Variants in PLS1 observed in about 807,000 individuals in gnomAD.
The protein encoded by PLS1 is plastin-1.
In PLS1, 32 loss-of-function variants were observed where a neutral mutation model predicts 73.7. The observed-to-expected ratio is 0.43, with a 90% confidence interval of 0.33 to 0.58. The LOEUF is 0.58. PLS1 is among the 20% of genes least tolerant of loss of function. PLS1 has a pLI of 0.04. For synonymous variants in PLS1, 217 were observed against 261.3 expected, an observed-to-expected ratio of 0.83 and a Z score of 1.63; for missense variants, 633 against 740.5, an observed-to-expected ratio of 0.85 and a Z score of 1.68.
intron 14 of PLS1, among the ~76,000 whole-genome samples, chr3:142,709,555 G>A (rs780990652): frequency 6.6e-6 from 1 of 152,168 alleles, no homozygotes; most frequent in Non-Finnish European, 1.5e-5. Context: ...AGTGGCTCAG[G>A]CCTGTAATCC....
intron 6 of PLS1, among the ~76,000 whole-genome samples, chr3:142,682,864 C>G (rs548516933): frequency 1.3e-5 from 2 of 152,250 alleles, no homozygotes; most frequent in East Asian, 3.9e-4. Context: ...TTAATTTTTT[C>G]ATGTTTATGT....
At chr3:142,600,914 A>T (rs1215100712) in intron 1 of PLS1, among the ~76,000 whole-genome samples, 1,405 of 18,896 alleles carry the variant, frequency 0.074, 143 homozygotes, top group African/African-American at 0.26. Context: ...ATATATATAT[A>T]TATTTTTTTT....
At chr3:142,683,287 G>A (rs561082723) in intron 6 of PLS1, among the ~76,000 whole-genome samples, 2 of 152,268 alleles carry the variant, frequency 1.3e-5, no homozygotes, top group South Asian at 2.1e-4. Flanking sequence ...GGCAGATTAC[G>A]AGGTCAGGAG....
chr3:142,677,169 GA>G (rs1444654253), intron 5 of PLS1, among the ~76,000 whole-genome samples: 1 of 152,088 alleles, frequency 6.6e-6, no homozygotes, highest in Non-Finnish European at 1.5e-5. Context: ...TAATTTCTCT[GA>G]AAATGTCTAA....
chr3:142,602,106 G>GT (rs2035937782), intron 1 of PLS1, among the ~76,000 whole-genome samples: 2 of 95,088 alleles, frequency 2.1e-5, no homozygotes, highest in South Asian at 2.7e-4. Flanking sequence ...AAATCGTTCC[G>GT]GTTTTTTTTT....
Position 142,697,956 on chromosome 3 carries a change from C to T in PLS1, c.1260C>T (p.Asp420=). The T allele has an allele frequency of 6.3e-7, 1 of 1,598,282 alleles. No individual in the cohort carries two copies. Among genetic ancestry groups the T allele is most frequent in the Non-Finnish European group, 8.6e-7 (1 of 1,166,076 alleles). Residue 420 remains aspartate, a synonymous_variant, in exon 12 of 16, where the codon GAC becomes GAT. Transcript: ENST00000457734. ...CTGCTTTTCCTTCCTGCTTCAGTGACCTTGCAGATGCTTTAGTGATCTTTC... is the reference window on the plus strand; with the variant it reads ...CTGCTTTTCCTTCCTGCTTCAGTGATCTTGCAGATGCTTTAGTGATCTTTC... ...VNPYINHLYS[D]LADALVIFQL... is the part of the protein sequence containing the mutation.
At chr3:142,676,438 A>G in intron 5 of PLS1, 149 bp downstream of exon 5, 1 of 718,262 alleles carries the variant, frequency 1.4e-6, no homozygotes, top group Non-Finnish European at 2.2e-6. Flanking sequence ...AAAATGAACT[A>G]CTGTATATCT....
At chr3:142,615,352 A>G (rs1665337716) in intron 1 of PLS1, among the ~76,000 whole-genome samples, 1 of 152,100 alleles carries the variant, frequency 6.6e-6, no homozygotes, top group Non-Finnish European at 1.5e-5. Context: ...CTTCAGCATT[A>G]TGGCTGAGAC....
intron 8 of PLS1, among the ~76,000 whole-genome samples, chr3:142,685,510 A>T (rs1488727501): frequency 6.6e-6 from 1 of 152,172 alleles, no homozygotes; most frequent in African/African-American, 2.4e-5. Flanking sequence ...TTCAGCTGTC[A>T]GTTGGGCTCA....
chr3:142,713,417 A>G lies in PLS1; in HGVS notation c.*1410A>G, dbSNP rs932681839. ...AGAATAGAATTTTTTAAATGAAATG[A>G]TCAACAGGTGGAATTTGAAATATAT... is the stretch of plus-strand genomic sequence containing the variant. On this transcript the variant is annotated 3_prime_UTR_variant, in exon 16 of 16. Coordinates refer to ENST00000457734, the MANE Select transcript of PLS1 (RefSeq NM_001145319.2). 1 of 152,608 alleles carries G rather than the reference A, an allele frequency of 6.6e-6. No homozygotes were observed. The highest frequency in any genetic ancestry group is 2.4e-5 in the African/African-American group (1 of 41,450). 9.5% of individuals were successfully genotyped at this position (152,608 alleles called of 1,614,324 possible).
chr3:142,674,833 A>G (rs371837546), intron 4 of PLS1, among the ~76,000 whole-genome samples: 1 of 152,024 alleles, frequency 6.6e-6, no homozygotes, highest in East Asian at 1.9e-4. Flanking sequence ...GATTCAAGCA[A>G]TTCTCCCTGC....
intron 14 of PLS1, among the ~76,000 whole-genome samples, chr3:142,707,119 A>G (rs571422428): frequency 1.7e-3 from 262 of 152,332 alleles, no homozygotes; most frequent in African/African-American, 5.4e-3. Context: ...AAACATCGCG[A>G]AAGTGCTTGG....
chr3:142,642,101 A>G (rs1318550851), intron 1 of PLS1, among the ~76,000 whole-genome samples: 1 of 152,080 alleles, frequency 6.6e-6, no homozygotes, highest in African/African-American at 2.4e-5. Context: ...TTTGTATTTT[A>G]TTAAACATTT....
At chr3:142,648,191 A>C (rs549668895) in intron 1 of PLS1, among the ~76,000 whole-genome samples, 139 of 152,268 alleles carry the variant, frequency 9.1e-4, no homozygotes, top group African/African-American at 3.3e-3. Flanking sequence ...TTCATGGTGG[A>C]ATTTGAGCTT....
chr3:142,617,786 G>A (rs1292419463), intron 1 of PLS1, among the ~76,000 whole-genome samples: 1 of 151,990 alleles, frequency 6.6e-6, no homozygotes, highest in Non-Finnish European at 1.5e-5. Context: ...AAGACAAGCC[G>A]ATTCAATATG....
chr3:142,663,313 T>G (rs930944865), intron 1 of PLS1, among the ~76,000 whole-genome samples: 1 of 152,238 alleles, frequency 6.6e-6, no homozygotes, highest in Non-Finnish European at 1.5e-5. Flanking sequence ...ATGTTAATTT[T>G]CTGTTTGGGA....
At chr3:142,607,655 A>C (rs747643949) in intron 1 of PLS1, among the ~76,000 whole-genome samples, 2 of 152,226 alleles carry the variant, frequency 1.3e-5, no homozygotes, top group Non-Finnish European at 2.9e-5. Flanking sequence ...TTATTAACTA[A>C]AGTCCTTAGC....
chr3:142,648,411 A>G (rs918250904), intron 1 of PLS1, among the ~76,000 whole-genome samples: 1 of 152,154 alleles, frequency 6.6e-6, no homozygotes. Context: ...TGATCTCATG[A>G]AGGAAATTGA....
Position 142,712,145 on chromosome 3 carries a change from C to T in PLS1, c.*138C>T. 1 of 762,364 alleles carries T rather than the reference C, an allele frequency of 1.3e-6. No homozygotes were observed. The highest frequency in any genetic ancestry group is 2.1e-6 in the Non-Finnish European group (1 of 471,994). The allele number at this position is 762,364 out of a possible 1,614,324, so 47.2% of individuals were successfully genotyped here. ...ATATATTCATTAATGAATTCAATATCCTGTTCATACTAGTTAGAGCTGGTC... is the reference window on the plus strand; with the variant it reads ...ATATATTCATTAATGAATTCAATATTCTGTTCATACTAGTTAGAGCTGGTC... On this transcript the variant is annotated 3_prime_UTR_variant, in exon 16 of 16. Coordinates refer to ENST00000457734, the MANE Select transcript of PLS1 (RefSeq NM_001145319.2).
Sources: allele counts gnomAD v4.1 joint callset (sites outside exome capture counted in the v4.1 genomes callset), GRCh38; gene constraint gnomAD v4.1.1; transcripts MANE v1.5; gene names NCBI Gene and HGNC (gene_info 2026-07-23, HGNC 2026-07-21).